Variants in PGM5 observed in about 807,000 individuals in gnomAD.
PGM5 encodes phosphoglucomutase 5.
A neutral mutation model predicts 59.2 loss-of-function variants in PGM5; 23 were observed. The observed-to-expected ratio is 0.39, with a 90% CI of 0.28 to 0.55. The LOEUF is 0.55. Ranked by LOEUF, PGM5 falls within the 20% of genes least tolerant of loss-of-function variation. The pLI is 0.66. For synonymous variants in PGM5, 214 were observed against 286.0 expected, an observed-to-expected ratio of 0.75 and a Z score of 2.54; for missense variants, 574 against 748.3, an observed-to-expected ratio of 0.77 and a Z score of 2.72.
intron 6 of PGM5, among the ~76,000 whole-genome samples, chr9:68,412,649 G>A (rs188601717): frequency 3.7e-3 from 561 of 152,234 alleles, no homozygotes; most frequent in Middle Eastern, 0.024. Flanking sequence ...AAACGGTTAG[G>A]TATCTTTATG....
chr9:68,377,072 GTGCACCACCA>G (rs1821939736), intron 1 of PGM5, among the ~76,000 whole-genome samples: 1 of 151,602 alleles, frequency 6.6e-6, no homozygotes, highest in Non-Finnish European at 1.5e-5. Context: ...GACTACAGGC[GTGCACCACCA>G]TGCTCAGCTA....
chr9:68,387,113 T>C (rs1378279573), intron 3 of PGM5, among the ~76,000 whole-genome samples: 2 of 151,824 alleles, frequency 1.3e-5, no homozygotes, highest in African/African-American at 4.8e-5. Context: ...CTCTAAACAT[T>C]GAGATGTGTG....
At chr9:68,423,631 C>A (rs1488178709) in intron 6 of PGM5, among the ~76,000 whole-genome samples, 1 of 90,332 alleles carries the variant, frequency 1.1e-5, no homozygotes, top group African/African-American at 3.7e-5. Flanking sequence ...AGCACAAAAT[C>A]TCTCTCTCTC....
At chr9:68,481,201 A>C (rs2132091065) in intron 8 of PGM5, among the ~76,000 whole-genome samples, 1 of 152,326 alleles carries the variant, frequency 6.6e-6, no homozygotes, top group Non-Finnish European at 1.5e-5. Context: ...TGTATCAGAG[A>C]ATAAGGAAGC....
chr9:68,391,444 A>G, intron 4 of PGM5, 90 bp from the exon 5 acceptor site: 1 of 966,902 alleles, frequency 1.0e-6, no homozygotes. Flanking sequence ...CTTCTGGGTT[A>G]TTAAATGGTG....
At chr9:68,477,282 G>T (rs1554686753) in intron 7 of PGM5, among the ~76,000 whole-genome samples, 1 of 152,078 alleles carries the variant, frequency 6.6e-6, no homozygotes, top group Non-Finnish European at 1.5e-5. Context: ...TTTTCTTATT[G>T]ATTTTAGTAC....
intron 9 of PGM5, among the ~76,000 whole-genome samples, chr9:68,491,810 T>C (rs1003230583): frequency 3.3e-5 from 5 of 152,220 alleles, no homozygotes; most frequent in Non-Finnish European, 7.3e-5. Context: ...AAGATCACCC[T>C]GGGCAACACA....
chr9:68,383,606 A>G (rs1822133706), intron 2 of PGM5, among the ~76,000 whole-genome samples: 1 of 151,878 alleles, frequency 6.6e-6, no homozygotes, highest in Non-Finnish European at 1.5e-5. Flanking sequence ...GTTGACAAGT[A>G]AGATTCATAC....
At chr9:68,460,478 G>A (rs1428789224) in intron 6 of PGM5, among the ~76,000 whole-genome samples, 1 of 152,108 alleles carries the variant, frequency 6.6e-6, no homozygotes, top group Non-Finnish European at 1.5e-5. Context: ...TCAAACCTTT[G>A]AGGATCATTT....
At chr9:68,524,239 A>G (rs1824937573) in intron 10 of PGM5, among the ~76,000 whole-genome samples, 1 of 152,172 alleles carries the variant, frequency 6.6e-6, no homozygotes, top group South Asian at 2.1e-4. Context: ...ATTTTTAAAA[A>G]ATCAAAATCA....
intron 8 of PGM5, among the ~76,000 whole-genome samples, chr9:68,482,802 A>G (rs1824219273): frequency 6.6e-6 from 1 of 152,244 alleles, no homozygotes; most frequent in Admixed American, 6.5e-5. Flanking sequence ...AAAAGTTGTT[A>G]GCTGTTTTTA....
intron 9 of PGM5, among the ~76,000 whole-genome samples, chr9:68,488,713 T>C (rs759765374): frequency 2.7e-4 from 41 of 152,056 alleles, no homozygotes; most frequent in Non-Finnish European, 4.6e-4. Context: ...CAAGAGAGAC[T>C]CTGTTTGATT....
intron 3 of PGM5, among the ~76,000 whole-genome samples, chr9:68,386,541 A>G (rs549692394): frequency 6.6e-6 from 1 of 152,296 alleles, no homozygotes; most frequent in South Asian, 2.1e-4. Flanking sequence ...AATTATTGAA[A>G]GTGGGTTGGT....
At chr9:68,477,109 T>A (rs1824120223) in intron 7 of PGM5, among the ~76,000 whole-genome samples, 1 of 152,212 alleles carries the variant, frequency 6.6e-6, no homozygotes, top group Admixed American at 6.5e-5. Flanking sequence ...CTTCCATTTT[T>A]GTAGCAGTGT....
intron 6 of PGM5, among the ~76,000 whole-genome samples, chr9:68,453,327 A>T (rs1294688924): frequency 2.6e-5 from 4 of 152,098 alleles, no homozygotes; most frequent in Admixed American, 2.6e-4. Context: ...GCTTAATTTT[A>T]TCTTAAACTT....
chr9:68,433,305 C>A (rs188375961), intron 6 of PGM5, among the ~76,000 whole-genome samples: 1 of 152,300 alleles, frequency 6.6e-6, no homozygotes, highest in East Asian at 1.9e-4. Flanking sequence ...AGAAGATGAC[C>A]TCTGTGTTCC....
At chr9:68,386,427 G>A (rs1477383277) in intron 3 of PGM5, among the ~76,000 whole-genome samples, 5 of 152,254 alleles carry the variant, frequency 3.3e-5, no homozygotes, top group Middle Eastern at 3.4e-3. Context: ...TGACTTAAGT[G>A]TAAGAAAAAA....
At position 68,426,687 on chromosome 9, in the gene PGM5, A is replaced by AT. The variant is rs554253402; in HGVS notation, c.1043+34221dup. ...GGTTGTGGAGTCAAAGTGAATGACC[A>AT]TTTTTTTAACTAACCTGTCTTTTGA... On this transcript the variant is annotated intron_variant, in intron 6 of 10. Transcript: ENST00000396396. 2.0e-3 allele frequency among the ~76,000 whole-genome samples: 301 copies of AT among 150,690 alleles called. 1 individual carries two copies. Among genetic ancestry groups the AT allele is most frequent in the African/African-American group, 7.2e-3 (295 of 40,936 alleles).
At chr9:68,367,042 C>G (rs1554676762) in intron 1 of PGM5, among the ~76,000 whole-genome samples, 2 of 151,978 alleles carry the variant, frequency 1.3e-5, no homozygotes, top group African/African-American at 2.4e-5. Flanking sequence ...GAGGTGGCGA[C>G]TGTTGAAGGT....
Sources: gnomAD v4.1 joint callset for allele counts (sites outside exome capture counted in the v4.1 genomes callset) on GRCh38, gnomAD v4.1.1 for gene constraint, MANE v1.5 for transcripts, NCBI Gene and HGNC (gene_info 2026-07-23, HGNC 2026-07-21) for gene names.